The following LPP variants were observed in gnomAD, a reference collection of about 807,000 sequenced individuals.
LPP encodes lipoma-preferred partner.
A neutral mutation model predicts 60.4 loss-of-function variants in LPP; 38 were observed. That is an observed-to-expected ratio of 0.63 (90% CI 0.49 to 0.83). The LOEUF is 0.83. LPP is among the 40% of genes least tolerant of loss of function. The pLI is 0.00. For synonymous variants in LPP, 328 were observed against 290.8 expected (o/e 1.13, Z -1.30); for missense variants, 902 against 783.6 (o/e 1.15, Z -1.80).
At chr3:188,239,799 G>A in intron 2 of LPP, 1 of 215,676 alleles carries the variant, frequency 4.6e-6, no homozygotes, top group Non-Finnish European at 9.4e-6. Context: ...GCAACATCAT[G>A]CAAAAAGTCA....
chr3:188,167,570 G>T (rs1720361764), intron 1 of LPP, among the ~76,000 whole-genome samples: 1 of 141,098 alleles, frequency 7.1e-6, no homozygotes, highest in African/African-American at 2.6e-5. Context: ...ACTGAAAAAT[G>T]TTATCTTTGT....
At chr3:188,702,480 C>G (rs529360458) in intron 7 of LPP, among the ~76,000 whole-genome samples, 1 of 152,006 alleles carries the variant, frequency 6.6e-6, no homozygotes, top group Non-Finnish European at 1.5e-5. Context: ...ATTGTAATTG[C>G]CTATTTTCAT....
chr3:188,624,893 C>G (rs562234316), intron 7 of LPP, among the ~76,000 whole-genome samples: 2 of 151,508 alleles, frequency 1.3e-5, no homozygotes, highest in East Asian at 3.9e-4. Flanking sequence ...ATTTTCCCTT[C>G]CTTCATTCCT....
At chr3:188,265,686 A>G (rs1277646199) in intron 2 of LPP, among the ~76,000 whole-genome samples, 1 of 152,200 alleles carries the variant, frequency 6.6e-6, no homozygotes, top group Non-Finnish European at 1.5e-5. Flanking sequence ...GACAGAGGGA[A>G]TAGCAGAGAC....
chr3:188,467,444 G>T (rs1055452181), intron 4 of LPP, among the ~76,000 whole-genome samples: 1 of 152,074 alleles, frequency 6.6e-6, no homozygotes, highest in Non-Finnish European at 1.5e-5. Flanking sequence ...AGCACTATGT[G>T]CAGACTTCCC....
At position 188,477,853 on chromosome 3, in the gene LPP, A is replaced by G. The variant is rs141420495; in HGVS notation, c.194-6739A>G. ...ATAATACATACATATATGTGTATAC[A>G]TTATTAAATAAATGATAACGTTATA... On this transcript the variant is annotated intron_variant, in intron 4 of 11. Coordinates refer to ENST00000617246, the MANE Select transcript of LPP (RefSeq NM_001375462.1). Among the ~76,000 whole-genome samples, 403 of 152,292 alleles carry G rather than the reference A, an allele frequency of 2.6e-3. 1 individual carries two copies. Among genetic ancestry groups the G allele is most frequent in the East Asian group, 6.8e-3 (35 of 5,182 alleles).
rs1028583486 is a variant in LPP, at chr3:188,609,536, G to A, written c.805G>A (p.Gly269Arg). The change falls in exon 7 of 12, where the codon GGA becomes AGA. Residue 269 changes from glycine (G) to arginine (R), a missense_variant. Transcript: ENST00000617246. This position sits in a 1 kb window ranked among gnomAD's most constrained non-coding sequence, Gnocchi z 6.9. Reference protein sequence around the residue: ...SGQCPPPSTRGGMDYAYIPPP... With the variant: ...SGQCPPPSTRRGMDYAYIPPP... ...GCAGTGTCCACCTCCTTCAACACGG[G>A]GAGGCATGGATTATGCCTACATTCC... 1.9e-6 allele frequency: 3 copies of A among 1,614,036 alleles called. No homozygotes were observed. Among genetic ancestry groups the A allele is most frequent in the African/African-American group, 2.7e-5 (2 of 74,908 alleles).
chr3:188,349,632 C>T (rs1374149150), intron 3 of LPP, among the ~76,000 whole-genome samples: 6 of 152,230 alleles, frequency 3.9e-5, no homozygotes, highest in Non-Finnish European at 7.3e-5. Context: ...TAAGTAGCTT[C>T]TGTGGCTCTT....
intron 7 of LPP, among the ~76,000 whole-genome samples, chr3:188,685,084 A>G (rs180779733): frequency 8.5e-5 from 13 of 152,272 alleles, no homozygotes; most frequent in Non-Finnish European, 1.6e-4. Flanking sequence ...TCCATTTTGC[A>G]TTGAGGAAGC....
chr3:188,362,291 A>G lies in LPP; in HGVS notation c.-10+20572A>G, dbSNP rs7650814. On this transcript the variant is annotated intron_variant, in intron 3 of 11. Coordinates refer to ENST00000617246, the MANE Select transcript of LPP (RefSeq NM_001375462.1). ...TTATGGGAAAAGAGATAGTAGAAATATGAGAATATCTTCTCCAAAGATTCT... is the reference window on the plus strand; with the variant it reads ...TTATGGGAAAAGAGATAGTAGAAATGTGAGAATATCTTCTCCAAAGATTCT... 9.5e-3 allele frequency among the ~76,000 whole-genome samples: 1,454 copies of G among 152,366 alleles called. 32 individuals are homozygous for G. Among genetic ancestry groups the G allele is most frequent in the African/African-American group, 0.034 (1,409 of 41,582 alleles).
chr3:188,577,787 T>TCCTCCTTCCCTCC (rs1372999820), intron 6 of LPP, among the ~76,000 whole-genome samples: 1 of 135,136 alleles, frequency 7.4e-6, no homozygotes, highest in Non-Finnish European at 1.6e-5. Flanking sequence ...CTTCTGTCCT[T>TCCTCCTTCCCTCC]CCCTTCCCTC....
chr3:188,320,970 G>A (rs1420394666), intron 2 of LPP, among the ~76,000 whole-genome samples: 6 of 152,190 alleles, frequency 3.9e-5, no homozygotes, highest in Admixed American at 1.3e-4. Flanking sequence ...CATATTTTCG[G>A]TAGTAATCCT....
intron 2 of LPP, among the ~76,000 whole-genome samples, chr3:188,281,888 A>G (rs1742205393): frequency 3.9e-5 from 6 of 152,214 alleles, no homozygotes; most frequent in Admixed American, 3.9e-4. Context: ...CATGACTACA[A>G]ACATTGAAAT....
chr3:188,272,584 A>G (rs1019834904), intron 2 of LPP, among the ~76,000 whole-genome samples: 2 of 152,266 alleles, frequency 1.3e-5, no homozygotes, highest in South Asian at 4.2e-4. Context: ...GTTGAAAGAG[A>G]GGAAGCTGTA....
chr3:188,487,464 A>G (rs1301386378), intron 5 of LPP, among the ~76,000 whole-genome samples: 1 of 152,208 alleles, frequency 6.6e-6, no homozygotes, highest in Non-Finnish European at 1.5e-5. Context: ...AAATAAACAA[A>G]ATGCCTGTTG....
At position 188,552,455 on chromosome 3, in the gene LPP, A is replaced by C. The variant is rs534548844; in HGVS notation, c.429+27668A>C. Among the ~76,000 whole-genome samples the C allele has an allele frequency of 1.9e-4, 29 of 152,304 alleles. No homozygotes were observed. In the South Asian group the frequency reaches 5.4e-3, roughly 28 times the overall value. ...CTAGTCTACAGATTAGTTTTCTATT[A>C]TTGCTGTAACAAGATACCACGAAAT... On this transcript the variant is annotated intron_variant, in intron 6 of 11. Transcript: ENST00000617246.
intron 5 of LPP, among the ~76,000 whole-genome samples, chr3:188,493,902 T>C (rs1206201289): frequency 1.3e-5 from 2 of 152,214 alleles, no homozygotes; most frequent in African/African-American, 4.8e-5. Flanking sequence ...TTCTGTTGCT[T>C]ACTTCCCTTT....
At chr3:188,644,150 G>A (rs757252207) in intron 7 of LPP, among the ~76,000 whole-genome samples, 35 of 152,122 alleles carry the variant, frequency 2.3e-4, no homozygotes, top group Non-Finnish European at 4.0e-4. Context: ...GAGGAGAAGG[G>A]ATCTGAGCTA....
intron 2 of LPP, among the ~76,000 whole-genome samples, chr3:188,262,981 G>A (rs908323115): frequency 3.3e-5 from 5 of 152,060 alleles, no homozygotes; most frequent in Non-Finnish European, 5.9e-5. Flanking sequence ...TCCAAAGAGT[G>A]CAGTTTTTTT....
Sources: allele counts gnomAD v4.1 joint callset (sites outside exome capture counted in the v4.1 genomes callset), GRCh38; gene constraint gnomAD v4.1.1; non-coding constraint Gnocchi (gnomAD v3.1); transcripts MANE v1.5; gene names NCBI Gene and HGNC (gene_info 2026-07-23, HGNC 2026-07-21).